DOP1B: variants seen among roughly 807,000 people sequenced by gnomAD.
The protein encoded by DOP1B is protein DOP1B.
In DOP1B, 174 loss-of-function variants were observed where a neutral mutation model predicts 233.5. The ratio of observed to expected loss-of-function variants is 0.75; its 90% CI spans 0.66 to 0.85. DOP1B has a LOEUF of 0.85. DOP1B is among the 40% of genes least tolerant of loss of function. The pLI, the probability that DOP1B is intolerant of heterozygous loss-of-function variation, is 0.00. For missense variants in DOP1B, 2,652 were observed against 2,846.6 expected (o/e 0.93, Z 1.56); for synonymous variants, 1,190 against 1,185.6 (o/e 1.00, Z -0.08).
intron 23 of DOP1B, among the ~76,000 whole-genome samples, chr21:36,256,542 G>A (rs9808787): frequency 0.56 from 85,870 of 152,060 alleles, 24,680 homozygotes; most frequent in African/African-American, 0.66. Flanking sequence ...ATTATTCACA[G>A]CAGCCAAAAG....
intron 11 of DOP1B, among the ~76,000 whole-genome samples, chr21:36,224,469 C>A (rs146715841): frequency 2.0e-5 from 3 of 151,740 alleles, no homozygotes; most frequent in African/African-American, 7.3e-5. Context: ...CATGAGCCGC[C>A]GCATCTGGCC....
chr21:36,158,933 G>A (rs2123376933), intron 1 of DOP1B, among the ~76,000 whole-genome samples: 1 of 151,718 alleles, frequency 6.6e-6, no homozygotes, highest in South Asian at 2.1e-4. Context: ...TTTGAGACCA[G>A]CCTGGCCAAC....
At chr21:36,263,428 A>G in intron 24 of DOP1B, 118 bp from the exon 25 acceptor site, 2 of 782,334 alleles carry the variant, frequency 2.6e-6, no homozygotes, top group Admixed American at 2.7e-5. Flanking sequence ...GAAAAAGGTC[A>G]GTGAGGTATG....
At chr21:36,202,449 C>A (rs2066379450) in intron 4 of DOP1B, among the ~76,000 whole-genome samples, 1 of 152,188 alleles carries the variant, frequency 6.6e-6, no homozygotes, top group Non-Finnish European at 1.5e-5. Context: ...TCAGGTCACC[C>A]TTTCCTGTGG....
chr21:36,187,861 A>G (rs536830283), intron 2 of DOP1B, among the ~76,000 whole-genome samples: 2 of 152,244 alleles, frequency 1.3e-5, no homozygotes, highest in African/African-American at 2.4e-5. Flanking sequence ...TCGGCCTCCC[A>G]AAGTGCTGGG....
chr21:36,234,824 A>C (rs910224300), intron 15 of DOP1B, among the ~76,000 whole-genome samples: 2 of 152,086 alleles, frequency 1.3e-5, no homozygotes, highest in African/African-American at 4.8e-5. Flanking sequence ...GGCGTGAGCC[A>C]CCGCACCCGG....
intron 2 of DOP1B, among the ~76,000 whole-genome samples, chr21:36,180,385 A>G (rs1464159296): frequency 5.9e-5 from 9 of 152,016 alleles, no homozygotes. Context: ...CCTGGCCAAC[A>G]TGGTGAAACC....
chr21:36,224,060 G>A (rs1345669930), intron 11 of DOP1B, among the ~76,000 whole-genome samples: 1 of 151,986 alleles, frequency 6.6e-6, no homozygotes, highest in Non-Finnish European at 1.5e-5. Flanking sequence ...CACAACCCTG[G>A]GAAAAATAAG....
chr21:36,158,796 T>C (rs532315317), intron 1 of DOP1B, among the ~76,000 whole-genome samples: 10 of 90,370 alleles, frequency 1.1e-4, no homozygotes, highest in Admixed American at 7.3e-4. Flanking sequence ...AGCGAGACTC[T>C]TGTCTCAAAA....
intron 23 of DOP1B, among the ~76,000 whole-genome samples, chr21:36,255,818 T>C (rs1052987339): frequency 5.9e-5 from 9 of 152,338 alleles, no homozygotes; most frequent in African/African-American, 2.2e-4. Flanking sequence ...TTCATCTGGC[T>C]GCTGTGAAAC....
chr21:36,163,370 A>AAGT (rs757542496), intron 1 of DOP1B, among the ~76,000 whole-genome samples: 8 of 149,582 alleles, frequency 5.3e-5, no homozygotes, highest in Non-Finnish European at 1.0e-4. Flanking sequence ...GAAAGAAAGA[A>AAGT]AGTAGTGGTG....
chr21:36,177,491 C>T (rs2066044823), intron 2 of DOP1B, among the ~76,000 whole-genome samples: 1 of 152,116 alleles, frequency 6.6e-6, no homozygotes, highest in Non-Finnish European at 1.5e-5. Flanking sequence ...ATGAATTATT[C>T]CTCCAGTGCT....
intron 27 of DOP1B, among the ~76,000 whole-genome samples, chr21:36,270,815 G>A (rs1157507299): frequency 2.7e-5 from 4 of 150,576 alleles, no homozygotes; most frequent in Non-Finnish European, 5.9e-5. Context: ...ATGGGAGGCT[G>A]AGGCAGAGAA....
intron 18 of DOP1B, 67 bp from the exon 19 acceptor site, chr21:36,244,981 G>T (rs746507705): frequency 6.1e-6 from 9 of 1,473,248 alleles, no homozygotes; most frequent in Non-Finnish European, 7.3e-6. Context: ...GACAAAGACC[G>T]CCCTACAGCT....
intron 26 of DOP1B, among the ~76,000 whole-genome samples, chr21:36,265,960 C>G (rs1470809025): frequency 1.3e-5 from 2 of 152,056 alleles, no homozygotes; most frequent in Non-Finnish European, 2.9e-5. Context: ...CTGGCATTCC[C>G]CACCTAGAGA....
chr21:36,206,990 G>A (rs2247182), intron 4 of DOP1B, among the ~76,000 whole-genome samples: 106,241 of 151,950 alleles, frequency 0.7, 37,834 homozygotes, highest in African/African-American at 0.85. Flanking sequence ...TTAATATAAC[G>A]CGATGGTAGA....
At chr21:36,198,252 A>C (rs906955404) in intron 2 of DOP1B, among the ~76,000 whole-genome samples, 1 of 151,476 alleles carries the variant, frequency 6.6e-6, no homozygotes, top group Admixed American at 6.6e-5. Flanking sequence ...ACGCGGTGAA[A>C]CCCTTTCTCT....
intron 2 of DOP1B, among the ~76,000 whole-genome samples, chr21:36,188,553 G>C (rs1251748791): frequency 6.6e-6 from 1 of 152,196 alleles, no homozygotes; most frequent in Admixed American, 6.5e-5. Flanking sequence ...GAGCGTTTGA[G>C]CCTGTGTCAC....
intron 1 of DOP1B, among the ~76,000 whole-genome samples, chr21:36,163,329 A>C (rs1297575873): frequency 7.8e-6 from 1 of 129,000 alleles, no homozygotes; most frequent in Non-Finnish European, 1.6e-5. Flanking sequence ...GGTCAACAAG[A>C]GTGAGACTCT....
Sources: allele counts gnomAD v4.1 joint callset (sites outside exome capture counted in the v4.1 genomes callset), GRCh38; gene constraint gnomAD v4.1.1; transcripts MANE v1.5; gene names NCBI Gene and HGNC (gene_info 2026-07-23, HGNC 2026-07-21).